The following CDK14 variants were observed in gnomAD, a reference collection of about 807,000 sequenced individuals.
CDK14 encodes the protein cyclin dependent kinase 14.
Under a neutral mutation model 60.7 loss-of-function variants are expected in CDK14, and 34 were observed. That is an observed-to-expected ratio of 0.56 (90% CI 0.43 to 0.75). CDK14 has a LOEUF of 0.75. Ranked by LOEUF, CDK14 falls within the 30% of genes least tolerant of loss-of-function variation. The pLI is 0.00. For synonymous variants in CDK14, 197 were observed against 203.7 expected (o/e 0.97, Z 0.28); for missense variants, 482 against 564.1 (o/e 0.85, Z 1.47).
intron 9 of CDK14, among the ~76,000 whole-genome samples, chr7:90,976,088 A>C (rs937004872): frequency 6.6e-6 from 1 of 152,106 alleles, no homozygotes; most frequent in African/African-American, 2.4e-5. Flanking sequence ...TGGTAGTTCT[A>C]TTTGTAGTTT....
At chr7:91,015,277 C>G (rs1796267117) in intron 10 of CDK14, among the ~76,000 whole-genome samples, 1 of 152,124 alleles carries the variant, frequency 6.6e-6, no homozygotes, top group Non-Finnish European at 1.5e-5. Flanking sequence ...TCAAGACACT[C>G]CCTGTTTTCA....
At chr7:90,796,283 T>C (rs1437579642) in intron 5 of CDK14, among the ~76,000 whole-genome samples, 2 of 152,100 alleles carry the variant, frequency 1.3e-5, no homozygotes, top group Non-Finnish European at 2.9e-5. Context: ...AAGAAGAAAC[T>C]GGAAGCTGAT....
At chr7:90,623,553 G>GT (rs1204837017) in intron 2 of CDK14, among the ~76,000 whole-genome samples, 3 of 152,046 alleles carry the variant, frequency 2.0e-5, no homozygotes, top group African/African-American at 4.8e-5. Context: ...GGTATTAGTT[G>GT]TTTTTTTAAG....
intron 3 of CDK14, among the ~76,000 whole-genome samples, chr7:90,743,505 TATTA>T (rs1162461517): frequency 1.3e-5 from 2 of 152,310 alleles, no homozygotes; most frequent in Middle Eastern, 3.4e-3. Flanking sequence ...TGAATACATA[TATTA>T]ATTAAGCCGC....
At chr7:90,709,674 G>A in intron 2 of CDK14, 1 of 1,577,476 alleles carries the variant, frequency 6.3e-7, no homozygotes, top group South Asian at 1.1e-5. Context: ...AGCTGTTAAA[G>A]CTATTGATAC....
intron 10 of CDK14, among the ~76,000 whole-genome samples, chr7:91,005,756 A>T (rs552211497): frequency 6.6e-6 from 1 of 152,328 alleles, no homozygotes; most frequent in Admixed American, 6.5e-5. Flanking sequence ...TCACATTCCA[A>T]GGTGTGGCTG....
chr7:90,732,371 G>A (rs983357697), intron 3 of CDK14, among the ~76,000 whole-genome samples: 1 of 152,186 alleles, frequency 6.6e-6, no homozygotes, highest in African/African-American at 2.4e-5. Context: ...AGTTAGGGAG[G>A]ATTCCCTCTT....
intron 9 of CDK14, among the ~76,000 whole-genome samples, chr7:90,978,385 G>C (rs193238458): frequency 6.6e-6 from 1 of 152,214 alleles, no homozygotes; most frequent in East Asian, 1.9e-4. Context: ...CACGTATGTA[G>C]GGTATGAGTA....
chr7:90,804,474 G>A (rs192350452), intron 5 of CDK14, among the ~76,000 whole-genome samples: 4 of 152,160 alleles, frequency 2.6e-5, no homozygotes, highest in Non-Finnish European at 4.4e-5. Flanking sequence ...TGCTTAAAGC[G>A]TTTTTATAAT....
chr7:91,098,527 G>A (rs11761073), intron 12 of CDK14, among the ~76,000 whole-genome samples: 17,391 of 133,722 alleles, frequency 0.13, 1,313 homozygotes, highest in East Asian at 0.18. Flanking sequence ...GAAAGAAAGA[G>A]AAAAAAAAAA....
Position 90,899,337 on chromosome 7 carries a change from A to T in CDK14, c.686A>T (p.His229Leu), listed in dbSNP as rs773939489. Residue 229 changes from histidine (H) to leucine (L), a missense_variant, in exon 7 of 15, where the codon CAT (histidine) becomes CTT (leucine). Physicochemically the swap from His to Leu is moderately conservative, Grantham distance 99 (BLOSUM62 -3). Coordinates refer to ENST00000380050, the MANE Select transcript of CDK14 (RefSeq NM_001287135.2). ...ATGGACAAGCACCCTGGGGGGCTGC[A>T]TCCAGATAATGTGAAGGTAGGAAAA... ...QYMDKHPGGLHPDNVKLFLFQ... is the reference protein window; with the variant it reads ...QYMDKHPGGLLPDNVKLFLFQ... 2 of 1,599,872 alleles carry T rather than the reference A, an allele frequency of 1.3e-6. No homozygotes were observed. Among genetic ancestry groups the T allele is most frequent in the South Asian group, 2.3e-5 (2 of 88,022 alleles).
chr7:90,806,667 G>A (rs1181968441), intron 5 of CDK14, among the ~76,000 whole-genome samples: 3 of 152,186 alleles, frequency 2.0e-5, no homozygotes, highest in Non-Finnish European at 4.4e-5. Context: ...ATCAGGGCGA[G>A]GCATCGCCTC....
chr7:90,750,222 A>G (rs990740585), intron 4 of CDK14, among the ~76,000 whole-genome samples: 11 of 152,010 alleles, frequency 7.2e-5, no homozygotes, highest in Admixed American at 2.6e-4. Flanking sequence ...ACAGAGAAAG[A>G]AAAAGAAAAA....
Position 90,636,400 on chromosome 7 carries a change from T to G in CDK14, c.123+32151T>G, listed in dbSNP as rs575438704. On this transcript the variant is annotated intron_variant, in intron 2 of 14. Coordinates refer to ENST00000380050, the MANE Select transcript of CDK14 (RefSeq NM_001287135.2). Reference sequence around the variant, plus strand: ...GCATCTATTGAGATAATCATGTGATTTTTGTCATTGGTTCTGTTTATATAC... The same window carrying G: ...GCATCTATTGAGATAATCATGTGATGTTTGTCATTGGTTCTGTTTATATAC... 3.3e-4 allele frequency among the ~76,000 whole-genome samples: 50 copies of G among 152,330 alleles called. 1 individual carries two copies. The highest frequency in any genetic ancestry group is 1.5e-4 in the Non-Finnish European group (10 of 68,044).
intron 10 of CDK14, among the ~76,000 whole-genome samples, chr7:91,007,848 A>G (rs569579797): frequency 3.3e-5 from 5 of 152,144 alleles, no homozygotes; most frequent in East Asian, 1.9e-4. Flanking sequence ...ATGTCCTTCT[A>G]TGTCCATCTG....
At chr7:90,636,547 T>C (rs997023603) in intron 2 of CDK14, among the ~76,000 whole-genome samples, 1 of 151,918 alleles carries the variant, frequency 6.6e-6, no homozygotes, top group African/African-American at 2.4e-5. Context: ...AGTATTTTAT[T>C]GAGGATTTTT....
chr7:90,832,076 G>T (rs1458574813), intron 5 of CDK14, among the ~76,000 whole-genome samples: 5 of 151,834 alleles, frequency 3.3e-5, no homozygotes, highest in Non-Finnish European at 7.4e-5. Flanking sequence ...ATTTTTTTCT[G>T]ATTTAAACTC....
At chr7:91,014,570 G>A (rs1307116943) in intron 10 of CDK14, among the ~76,000 whole-genome samples, 5 of 152,058 alleles carry the variant, frequency 3.3e-5, no homozygotes, top group Admixed American at 6.6e-5. Context: ...AGACTATGTT[G>A]TGACCAAGCT....
chr7:90,610,046 T>G (rs1007131382), intron 2 of CDK14, among the ~76,000 whole-genome samples: 3 of 152,218 alleles, frequency 2.0e-5, no homozygotes, highest in African/African-American at 7.2e-5. Context: ...TGTTTAGCTT[T>G]CTCACTGCTG....
Sources: allele counts gnomAD v4.1 joint callset (sites outside exome capture counted in the v4.1 genomes callset), GRCh38; gene constraint gnomAD v4.1.1; transcripts MANE v1.5; gene names NCBI Gene and HGNC (gene_info 2026-07-23, HGNC 2026-07-21).